LRMDA: variants seen among roughly 807,000 people sequenced by gnomAD.
LRMDA encodes leucine-rich melanocyte differentiation-associated protein.
LRMDA carries 18 observed loss-of-function variants against 29.8 expected under a neutral mutation model. That is an observed-to-expected ratio of 0.60 (90% CI 0.42 to 0.90). The LOEUF (loss-of-function observed/expected upper bound fraction) is 0.90, where lower values mean the gene tolerates loss of function less well. Ranked by LOEUF, LRMDA falls within the 40% of genes least tolerant of loss-of-function variation. LRMDA has a pLI of 0.00. For synonymous variants in LRMDA, 125 were observed against 109.4 expected, an observed-to-expected ratio of 1.14 and a Z score of -0.89; for missense variants, 273 against 273.9, an observed-to-expected ratio of 1.00 and a Z score of 0.02.
At chr10:75,831,870 G>A (rs888028436) in intron 2 of LRMDA, among the ~76,000 whole-genome samples, 7 of 152,238 alleles carry the variant, frequency 4.6e-5, no homozygotes, top group Admixed American at 2.0e-4. Flanking sequence ...AGCCTGAGCT[G>A]TACCTTGACC....
chr10:76,129,902 C>T (rs1849955830), intron 5 of LRMDA, among the ~76,000 whole-genome samples: 1 of 152,146 alleles, frequency 6.6e-6, no homozygotes, highest in South Asian at 2.1e-4. Context: ...TACTCTCTGG[C>T]TTTGCTACCC....
intron 2 of LRMDA, among the ~76,000 whole-genome samples, chr10:75,928,493 G>A (rs182637586): frequency 7.9e-4 from 120 of 152,236 alleles, no homozygotes; most frequent in African/African-American, 2.8e-3. Context: ...TACCTCAGCA[G>A]TATCTGAATA....
chr10:76,077,991 CAT>C (rs1848986119), intron 5 of LRMDA, among the ~76,000 whole-genome samples: 4 of 83,466 alleles, frequency 4.8e-5, no homozygotes, highest in African/African-American at 9.2e-5. Context: ...GCAATATTAA[CAT>C]TTTTTTTTTT....
intron 6 of LRMDA, among the ~76,000 whole-genome samples, chr10:76,407,349 T>C (rs1341989698): frequency 6.6e-6 from 1 of 152,240 alleles, no homozygotes; most frequent in Non-Finnish European, 1.5e-5. Context: ...TCATTGATTC[T>C]CTCATTCACT....
intron 2 of LRMDA, among the ~76,000 whole-genome samples, chr10:75,455,376 G>A (rs952498255): frequency 2.6e-5 from 4 of 152,206 alleles, no homozygotes; most frequent in Admixed American, 2.0e-4. Flanking sequence ...TTCCCAGCAC[G>A]TGGACCTTAC....
At chr10:76,219,664 A>G (rs1039488255) in intron 5 of LRMDA, among the ~76,000 whole-genome samples, 6 of 152,202 alleles carry the variant, frequency 3.9e-5, no homozygotes, top group Admixed American at 6.5e-5. Flanking sequence ...CACGTTAATA[A>G]TGGGAGACTT....
intron 2 of LRMDA, among the ~76,000 whole-genome samples, chr10:75,984,017 G>A (rs1044770861): frequency 3.3e-5 from 5 of 152,158 alleles, no homozygotes; most frequent in Non-Finnish European, 7.4e-5. Flanking sequence ...CCCCATGCAG[G>A]GAGCCGGCCA....
chr10:76,325,104 T>C (rs1289356392), intron 6 of LRMDA, among the ~76,000 whole-genome samples: 1 of 152,206 alleles, frequency 6.6e-6, no homozygotes. Flanking sequence ...CTAAGTTGGC[T>C]GTTTTAAATA....
chr10:75,497,406 A>G (rs1845058965), intron 2 of LRMDA, among the ~76,000 whole-genome samples: 1 of 151,862 alleles, frequency 6.6e-6, no homozygotes, highest in Non-Finnish European at 1.5e-5. Context: ...AGTTACAGAC[A>G]TCAGTATCCC....
chr10:75,438,532 G>A, intron 2 of LRMDA, 38 bp downstream of exon 2: 1 of 1,479,140 alleles, frequency 6.8e-7, no homozygotes. Flanking sequence ...AGGCCTGGGA[G>A]GCCCAGTCCT....
At position 75,431,736 on chromosome 10, in the gene LRMDA, C is replaced by G. The variant is rs1316906471; in HGVS notation, c.12C>G (p.Leu4=). ...GCGTCCTGGCCGCCATGGCCGGGCT[C>G]GTGGTGCGTGGAACTCAAGTAAGTC... MAG[L]VVRGTQVSYI... is the part of the protein sequence containing the mutation. The change falls in exon 1 of 7, where the codon CTC becomes CTG. Residue 4 remains leucine, a synonymous_variant. Transcript: ENST00000611255. 1 of 1,370,654 alleles carries G rather than the reference C, an allele frequency of 7.3e-7. No individual in the cohort carries two copies. The highest frequency in any genetic ancestry group is 2.7e-5 in the Admixed American group (1 of 36,536). 84.9% of individuals were successfully genotyped at this position (1,370,654 alleles called of 1,614,324 possible). A position where few individuals can be genotyped will look rare whatever the true frequency, so the allele number is the denominator to read the frequency against.
intron 2 of LRMDA, among the ~76,000 whole-genome samples, chr10:75,836,746 A>G (rs1212526134): frequency 6.6e-6 from 1 of 152,206 alleles, no homozygotes; most frequent in Non-Finnish European, 1.5e-5. Context: ...CTTAAATACC[A>G]TGCTTTCAAA....
chr10:76,213,642 CTTT>C (rs1273075232), intron 5 of LRMDA, among the ~76,000 whole-genome samples: 1 of 152,152 alleles, frequency 6.6e-6, no homozygotes, highest in Admixed American at 6.5e-5. Context: ...AATAATTATT[CTTT>C]GTTTGACTGC....
chr10:76,221,042 G>T (rs531739815), intron 5 of LRMDA, among the ~76,000 whole-genome samples: 325 of 152,296 alleles, frequency 2.1e-3, no homozygotes, highest in Non-Finnish European at 3.8e-3. Context: ...CTCAATAGAT[G>T]CAGAAAAGGC....
intron 2 of LRMDA, among the ~76,000 whole-genome samples, chr10:76,006,605 A>G (rs1035753603): frequency 2.0e-5 from 3 of 152,326 alleles, no homozygotes; most frequent in Admixed American, 2.0e-4. Flanking sequence ...AGGGGAAAAA[A>G]ATCTTTAAAT....
intron 2 of LRMDA, among the ~76,000 whole-genome samples, chr10:75,969,729 G>A (rs1339209869): frequency 1.4e-5 from 2 of 145,560 alleles, no homozygotes; most frequent in African/African-American, 4.9e-5. Flanking sequence ...TGTCAAATAG[G>A]CTTCCCTGGA....
At chr10:76,223,361 C>A (rs1009206763) in intron 5 of LRMDA, among the ~76,000 whole-genome samples, 9 of 152,132 alleles carry the variant, frequency 5.9e-5, no homozygotes, top group African/African-American at 1.2e-4. Context: ...CCTGGTCCAG[C>A]CATTTCTTGT....
At chr10:75,816,736 A>G (rs1844068169) in intron 2 of LRMDA, among the ~76,000 whole-genome samples, 1 of 152,184 alleles carries the variant, frequency 6.6e-6, no homozygotes, top group South Asian at 2.1e-4. Context: ...CCTCTTATGG[A>G]TCCCCAATCC....
chr10:76,244,936 C>A (rs1054196279), intron 5 of LRMDA, among the ~76,000 whole-genome samples: 2 of 152,162 alleles, frequency 1.3e-5, no homozygotes, highest in Non-Finnish European at 2.9e-5. Flanking sequence ...GGCTTCATTT[C>A]TGTCCTTGAT....
Sources: gnomAD v4.1 joint callset for allele counts (sites outside exome capture counted in the v4.1 genomes callset) on GRCh38, gnomAD v4.1.1 for gene constraint, MANE v1.5 for transcripts, NCBI Gene and HGNC (gene_info 2026-07-23, HGNC 2026-07-21) for gene names.